ITPR1: variants seen among roughly 807,000 people sequenced by gnomAD.
The protein encoded by ITPR1 is inositol 1,4,5-trisphosphate receptor type 1, also known as inositol 1,4,5-trisphosphate-gated calcium channel ITPR1.
ITPR1 carries 96 observed loss-of-function variants against 318.4 expected under a neutral mutation model. The ratio of observed to expected loss-of-function variants is 0.30; its 90% CI spans 0.26 to 0.36. The LOEUF (loss-of-function observed/expected upper bound fraction) is 0.36, where lower values mean the gene tolerates loss of function less well. Ranked by LOEUF, ITPR1 falls within the 10% of genes least tolerant of loss-of-function variation. The pLI, the probability that ITPR1 is intolerant of heterozygous loss-of-function variation, is 1.00. For missense variants in ITPR1, 2,440 were observed against 3,460.2 expected, an observed-to-expected ratio of 0.71 and a Z score of 7.40; for synonymous variants, 1,312 against 1,289.9, an observed-to-expected ratio of 1.02 and a Z score of -0.37.
At chr3:4,564,617 G>A (rs189636663) in intron 4 of ITPR1, among the ~76,000 whole-genome samples, 1 of 152,118 alleles carries the variant, frequency 6.6e-6, no homozygotes, top group Non-Finnish European at 1.5e-5. Flanking sequence ...GTGCCCCCTT[G>A]TTCCTCCCAC....
intron 18 of ITPR1, among the ~76,000 whole-genome samples, 152 bp from the exon 19 acceptor site, chr3:4,669,502 T>A (rs1007069846): frequency 6.6e-6 from 1 of 152,224 alleles, no homozygotes; most frequent in African/African-American, 2.4e-5. Context: ...GGCTTTCTGG[T>A]GATGCCATAA....
At chr3:4,714,457 G>A (rs781025506) in intron 39 of ITPR1, among the ~76,000 whole-genome samples, 4 of 152,110 alleles carry the variant, frequency 2.6e-5, no homozygotes, top group East Asian at 3.9e-4. Context: ...CCAAAGAATC[G>A]GATCTGGAGG....
intron 59 of ITPR1, 130 bp from the exon 60 acceptor site, chr3:4,817,952 A>G: frequency 1.5e-6 from 1 of 676,734 alleles, no homozygotes; most frequent in East Asian, 2.9e-5. Context: ...TATAAGGCCG[A>G]CAGAATCCAA....
chr3:4,552,455 T>A (rs764538626), intron 4 of ITPR1, among the ~76,000 whole-genome samples: 1 of 152,174 alleles, frequency 6.6e-6, no homozygotes, highest in Non-Finnish European at 1.5e-5. Flanking sequence ...CCATTTATTA[T>A]AAAGGATATT....
chr3:4,749,653 T>A (rs117013927), intron 44 of ITPR1: 1 of 152,256 alleles, frequency 6.6e-6, no homozygotes, highest in East Asian at 1.9e-4. Context: ...AGCAAAAGCT[T>A]ATTGACACCA....
Position 4,521,025 on chromosome 3 carries a change from C to T in ITPR1, c.94C>T (p.Leu32=). ...STNGFISTLG[L]VDDRCVVQPE... ...AGCATTTATCTGTCTTCTTTACAGC[C>T]TGGTTGATGATCGTTGTGTTGTACA... Residue 32 remains leucine (L), a splice_region_variant and synonymous_variant, in exon 4 of 62, where the codon CTG becomes TTG. Coordinates refer to ENST00000649015, the MANE Select transcript of ITPR1 (RefSeq NM_001378452.1). The T allele has an allele frequency of 1.2e-6, 2 of 1,611,864 alleles. No individual in the cohort carries two copies. The highest frequency in any genetic ancestry group is 1.7e-6 in the Non-Finnish European group (2 of 1,178,010).
At chr3:4,739,184 A>G (rs1342546620) in intron 44 of ITPR1, among the ~76,000 whole-genome samples, 1 of 152,238 alleles carries the variant, frequency 6.6e-6, no homozygotes, top group African/African-American at 2.4e-5. Context: ...GGTTCAGAGT[A>G]GTAAGTGGCC....
chr3:4,599,720 G>A (rs989060412), intron 4 of ITPR1, among the ~76,000 whole-genome samples: 2 of 152,314 alleles, frequency 1.3e-5, no homozygotes, highest in African/African-American at 4.8e-5. Context: ...TCCGACAGTG[G>A]CTGCTGTTTT....
At chr3:4,834,575 G>A (rs946083227) in intron 60 of ITPR1, among the ~76,000 whole-genome samples, 4 of 152,088 alleles carry the variant, frequency 2.6e-5, no homozygotes, top group Admixed American at 6.5e-5. Flanking sequence ...GTGACCTGTC[G>A]CCTATGTGTG....
At chr3:4,498,517 T>C (rs2080776684) in intron 2 of ITPR1, among the ~76,000 whole-genome samples, 1 of 152,218 alleles carries the variant, frequency 6.6e-6, no homozygotes, top group African/African-American at 2.4e-5. Context: ...AACAGTGGTT[T>C]ATCTGAGGAC....
Position 4,830,502 on chromosome 3 carries a change from TAA to T in ITPR1, c.8029-6271_8029-6270del, listed in dbSNP as rs112555737. ...AAGGGACAAATGATTTAAAGTCCGT[TAA>T]GTGTCCCATATTCCTGCTTTTGAAG... is the stretch of plus-strand genomic sequence containing the variant. On this transcript the variant is annotated intron_variant, in intron 60 of 61. Transcript: ENST00000649015. Among the ~76,000 whole-genome samples, 152 of 152,282 alleles carry T rather than the reference TAA, an allele frequency of 1.0e-3. 2 individuals are homozygous for T. The highest frequency in any genetic ancestry group is 3.3e-3 in the African/African-American group (138 of 41,564).
At chr3:4,635,910 G>T (rs1267737181) in intron 5 of ITPR1, among the ~76,000 whole-genome samples, 3 of 151,222 alleles carry the variant, frequency 2.0e-5, no homozygotes, top group Non-Finnish European at 4.4e-5. Context: ...TTTGAGGCTG[G>T]AATGCAATGG....
intron 2 of ITPR1, among the ~76,000 whole-genome samples, chr3:4,504,929 A>C (rs1330895913): frequency 6.6e-6 from 1 of 150,654 alleles, no homozygotes; most frequent in East Asian, 1.9e-4. Context: ...GATTGATCAA[A>C]TGCCAGCACC....
At position 4,806,237 on chromosome 3, in the gene ITPR1, C is replaced by G; in HGVS notation, c.7242C>G (p.Leu2414=). The G allele has an allele frequency of 6.2e-7, 1 of 1,613,998 alleles. No homozygotes were observed. The highest frequency in any genetic ancestry group is 1.1e-5 in the South Asian group (1 of 91,078). ...ATCTGGTGATCTGTGCCATGGGGCT[C>G]TTTGTCCATGAATTCTTCTACAGTC... ...LLYLVICAMG[L]FVHEFFYSLL... Residue 2414 remains leucine, a synonymous_variant, in exon 55 of 62, where the codon CTC becomes CTG. Coordinates refer to ENST00000649015, the MANE Select transcript of ITPR1 (RefSeq NM_001378452.1).
At chr3:4,601,289 T>C (rs1575670047) in intron 4 of ITPR1, among the ~76,000 whole-genome samples, 1 of 146,324 alleles carries the variant, frequency 6.8e-6, no homozygotes, top group Non-Finnish European at 1.5e-5. Context: ...GAGGCCAAGG[T>C]GGGAGAATCA....
At chr3:4,696,089 A>T (rs558711870) in intron 33 of ITPR1, among the ~76,000 whole-genome samples, 2 of 152,284 alleles carry the variant, frequency 1.3e-5, no homozygotes, top group African/African-American at 4.8e-5. Context: ...ATAGTATCGC[A>T]TACCAGCTTA....
chr3:4,758,506 C>T (rs114714501), intron 44 of ITPR1, among the ~76,000 whole-genome samples: 327 of 152,324 alleles, frequency 2.1e-3, no homozygotes, highest in Non-Finnish European at 3.6e-3. Context: ...CCAGGGAGCA[C>T]CATGATCCTT....
At chr3:4,734,333 G>T (rs184068048) in intron 43 of ITPR1, among the ~76,000 whole-genome samples, 77 of 152,304 alleles carry the variant, frequency 5.1e-4, no homozygotes, top group Middle Eastern at 3.4e-3. Context: ...GACAGACTCT[G>T]CTCTGAGAAG....
At chr3:4,810,952 C>T (rs897123422) in intron 55 of ITPR1, among the ~76,000 whole-genome samples, 1 of 152,250 alleles carries the variant, frequency 6.6e-6, no homozygotes, top group Non-Finnish European at 1.5e-5. Flanking sequence ...ACCCTCATCA[C>T]TTTCCTCTCC....
Sources: allele counts gnomAD v4.1 joint callset (sites outside exome capture counted in the v4.1 genomes callset), GRCh38; gene constraint gnomAD v4.1.1; transcripts MANE v1.5; gene names NCBI Gene and HGNC (gene_info 2026-07-23, HGNC 2026-07-21).